DCP2: variants seen among roughly 807,000 people sequenced by gnomAD.
DCP2 encodes the protein decapping mRNA 2, also known as m7GpppN-mRNA hydrolase.
DCP2 carries 30 observed loss-of-function variants against 56.1 expected under a neutral mutation model. That is an observed-to-expected ratio of 0.53 (90% CI 0.40 to 0.73). The LOEUF (loss-of-function observed/expected upper bound fraction) is 0.73, where lower values mean the gene tolerates loss of function less well. Among genes scored for constraint, DCP2 ranks in the 30% least tolerant of loss-of-function variants. DCP2 has a pLI of 0.00. For missense variants in DCP2, 533 were observed against 502.7 expected (o/e 1.06, Z -0.58); for synonymous variants, 197 against 163.3 (o/e 1.21, Z -1.57).
At chr5:112,981,357 C>T (rs1747995436) in intron 1 of DCP2, among the ~76,000 whole-genome samples, 1 of 152,038 alleles carries the variant, frequency 6.6e-6, no homozygotes, top group Admixed American at 6.5e-5. Flanking sequence ...TACGAACTTA[C>T]AGTATTTCTT....
intron 4 of DCP2, among the ~76,000 whole-genome samples, chr5:112,999,383 A>G (rs1268706712): frequency 6.6e-6 from 1 of 151,858 alleles, no homozygotes; most frequent in East Asian, 1.9e-4. Flanking sequence ...GCTGGAGTGT[A>G]ATAGCATGAT....
intron 1 of DCP2, 121 bp downstream of exon 1, chr5:112,977,107 T>C: frequency 1.4e-6 from 1 of 711,956 alleles, no homozygotes; most frequent in Non-Finnish European, 2.2e-6. Context: ...CTCCCGCCGC[T>C]GCTCGCTTTC....
intron 9 of DCP2, among the ~76,000 whole-genome samples, chr5:113,008,962 G>C (rs1195296100): frequency 3.3e-5 from 5 of 151,830 alleles, no homozygotes; most frequent in Non-Finnish European, 7.4e-5. Flanking sequence ...CCCTGTCTCA[G>C]CCTCCTGAGT....
At position 112,985,822 on chromosome 5, in the gene DCP2, T is replaced by C. The variant is rs779569356; in HGVS notation, c.54-13T>C. 3.8e-6 allele frequency: 6 copies of C among 1,592,018 alleles called. No homozygotes were observed. The highest frequency in any genetic ancestry group is 4.3e-6 in the Non-Finnish European group (5 of 1,161,386). On this transcript the variant is annotated splice_polypyrimidine_tract_variant and intron_variant, in intron 1 of 10. Coordinates refer to ENST00000389063, the MANE Select transcript of DCP2 (RefSeq NM_152624.6). The stretch of plus-strand genomic sequence containing the variant: ...TGTAAATGTAATTTTTGTATGTGTT[T>C]TGTTTTTGACAGCCGATTTATTTTG...
In DCP2 at chr5:113,022,012, G is replaced by GT. The variant is rs996386850; in HGVS notation, c.*8529dup. ...CTTTGACTAGGGCTCTTGATTTCAT[G>GT]TAAGCATCATGGATTTGATATTTGC... On this transcript the variant is annotated 3_prime_UTR_variant, in exon 11 of 11. Coordinates refer to ENST00000389063, the MANE Select transcript of DCP2 (RefSeq NM_152624.6). 6.6e-6 allele frequency: 1 copy of GT among 152,160 alleles called. No homozygotes were observed. The highest frequency in any genetic ancestry group is 2.4e-5 in the African/African-American group (1 of 41,434). 9.4% of individuals were successfully genotyped at this position (152,160 alleles called of 1,614,324 possible).
rs1747735118 is a variant in DCP2 at position 112,976,967 on chromosome 5, G to A, written c.34G>A (p.Val12Ile). The A allele has an allele frequency of 5.0e-6, 8 of 1,595,104 alleles. No homozygotes were observed. Among genetic ancestry groups the A allele is most frequent in the Non-Finnish European group, 6.0e-6 (7 of 1,165,634 alleles). ...CAAACGGGTGGAGATTCCCGGCAGC[G>A]TCCTGGACGATCTCTGCAGGTACCG... ...ETKRVEIPGS[V>I]LDDLCSRFIL... The change falls in exon 1 of 11, where the codon GTC becomes ATC. Residue 12 changes from valine to isoleucine, a missense_variant. Physicochemically the swap from Val to Ile is conservative, Grantham distance 29. Around this residue, in one of 3 missense-constraint regions of DCP2, gnomAD observed 137 missense variants for 138.2 expected, o/e 0.99. Transcript: ENST00000389063.
Position 112,984,703 on chromosome 5 carries a change from A to AAATATATATAT in DCP2, c.54-1131_54-1130insATATATATATA. The stretch of plus-strand genomic sequence containing the variant: ...TTCTTAATTAAAAAAAAAAAAAAAA[A>AAATATATATAT]ATATATATATATATATATATATTTG... On this transcript the variant is annotated intron_variant, in intron 1 of 10. Transcript: ENST00000389063. The AAATATATATAT allele has an allele frequency of 1.5e-4, 10 of 64,858 alleles. 1 individual carries two copies. The highest frequency in any genetic ancestry group is 1.0e-3 in the South Asian group (2 of 1,920). 4.0% of individuals were successfully genotyped at this position (64,858 alleles called of 1,614,324 possible).
chr5:113,006,759 G>C (rs1372815090), intron 8 of DCP2, among the ~76,000 whole-genome samples: 1 of 152,024 alleles, frequency 6.6e-6, no homozygotes, highest in Non-Finnish European at 1.5e-5. Flanking sequence ...TTTTTGGTAG[G>C]AAAATTATCT....
chr5:112,991,343 G>C (rs564593090), intron 2 of DCP2, among the ~76,000 whole-genome samples: 1 of 152,050 alleles, frequency 6.6e-6, no homozygotes, highest in Admixed American at 6.5e-5. Context: ...ATAGTGATGG[G>C]GCATTCGATA....
chr5:112,987,851 G>C (rs1289230231), intron 2 of DCP2, among the ~76,000 whole-genome samples: 1 of 151,478 alleles, frequency 6.6e-6, no homozygotes, highest in Non-Finnish European at 1.5e-5. Context: ...AGTCTGGCTT[G>C]AATTTCTGGG....
rs914905419 is a variant in DCP2, at chr5:112,992,971, AT to A, written c.432+209del. ...TTTTCATTTATTCTTATCTGTTCCC[AT>A]TTTTTTTAATGGTCCATTTTGTATT... On this transcript the variant is annotated intron_variant, in intron 4 of 10. Coordinates refer to ENST00000389063, the MANE Select transcript of DCP2 (RefSeq NM_152624.6). 1.8e-4 allele frequency among the ~76,000 whole-genome samples: 26 copies of A among 144,658 alleles called. No individual in the cohort carries two copies. The South Asian group carries it at 4.4e-3, about 24-fold the overall frequency. 94.9% of individuals were successfully genotyped at this position (144,658 alleles called of 152,430 possible). A position where few individuals can be genotyped will look rare whatever the true frequency, so the allele number is the denominator to read the frequency against.
At chr5:113,000,032 G>A (rs930521406) in intron 4 of DCP2, among the ~76,000 whole-genome samples, 2 of 128,808 alleles carry the variant, frequency 1.6e-5, no homozygotes, top group Non-Finnish European at 3.1e-5. Context: ...TTGCACTCCA[G>A]CCCGGGCAAC....
intron 4 of DCP2, among the ~76,000 whole-genome samples, chr5:113,000,747 T>A (rs1749138641): frequency 6.6e-6 from 1 of 152,150 alleles, no homozygotes. Flanking sequence ...AATGTTAAGA[T>A]TTGGAGAGTG....
In DCP2 at chr5:113,021,375, CAA is replaced by C. The variant is rs1435186359; in HGVS notation, c.*7896_*7897del. Among the ~76,000 whole-genome samples the C allele has an allele frequency of 3.2e-5, 2 of 63,284 alleles. No homozygotes were observed. The highest frequency in any genetic ancestry group is 6.4e-5 in the Non-Finnish European group (2 of 31,328). The allele number at this position is 63,284 out of a possible 152,430, so 41.5% of individuals were successfully genotyped here. A position where few individuals can be genotyped will look rare whatever the true frequency, so the allele number is the denominator to read the frequency against. On this transcript the variant is annotated 3_prime_UTR_variant, in exon 11 of 11. Transcript: ENST00000389063. ...AGAGCAAGACTCTGTCTGGAAAAAA[CAA>C]AAAACAACCAAAAAAAAAAAAAAAA...
Position 112,992,724 on chromosome 5 carries a change from GA to G in DCP2, c.390del (p.Val131Ter). 6.3e-7 allele frequency: 1 copy of G among 1,591,124 alleles called. No homozygotes were observed. Among genetic ancestry groups the G allele is most frequent in the Admixed American group, 1.9e-5 (1 of 52,790 alleles). ...LAKSGWGFPK[G>X]KVNKEEAPHD... ...AAATCAGGCTGGGGATTTCCAAAAG[GA>G]AAAGTAAATAAAGAAGAAGCTCCTC... On this transcript the variant is annotated frameshift_variant, in exon 4 of 11. Coordinates refer to ENST00000389063, the MANE Select transcript of DCP2 (RefSeq NM_152624.6). LOFTEE classifies it high-confidence loss of function.
rs1008222621 is a variant in DCP2 at position 113,015,912 on chromosome 5, A to G, written c.*2428A>G. On this transcript the variant is annotated 3_prime_UTR_variant, in exon 11 of 11. Transcript: ENST00000389063. ...TGATAAAGGAGTATGCTGAATATGC[A>G]ATCATTTACTTCTACTGAGTGCTGC... The G allele has an allele frequency of 1.3e-5, 2 of 152,664 alleles. No individual in the cohort carries two copies. The highest frequency in any genetic ancestry group is 4.8e-5 in the African/African-American group (2 of 41,472). The allele number at this position is 152,664 out of a possible 1,614,324, so 9.5% of individuals were successfully genotyped here.
intron 4 of DCP2, among the ~76,000 whole-genome samples, chr5:112,997,376 T>C (rs2150180575): frequency 2.0e-5 from 3 of 152,362 alleles, no homozygotes; most frequent in Middle Eastern, 6.8e-3. Flanking sequence ...ACTTAGCTGT[T>C]CACTTGTGGT....
intron 4 of DCP2, among the ~76,000 whole-genome samples, chr5:112,994,766 C>T (rs2150178494): frequency 6.6e-6 from 1 of 152,242 alleles, no homozygotes; most frequent in African/African-American, 2.4e-5. Context: ...TTTTGTTACC[C>T]AGTACCCTAG....
chr5:113,001,204 A>G lies in DCP2; in HGVS notation c.553A>G (p.Lys185Glu), dbSNP rs1304698517. 7 of 1,613,486 alleles carry G rather than the reference A, an allele frequency of 4.3e-6. No homozygotes were observed. The change falls in exon 5 of 11, where the codon AAA (lysine) becomes GAA (glutamate). Residue 185 changes from lysine to glutamate, a missense_variant. By Grantham distance (56) the Lys-to-Glu change is moderately conservative. Transcript: ENST00000389063. ...CATTCCAGGAATTCCAAAAGACACAAAATTTAACCCAAAAACTAGAAGAGA... is the reference window on the plus strand; with the variant it reads ...CATTCCAGGAATTCCAAAAGACACAGAATTTAACCCAAAAACTAGAAGAGA... ...YIIPGIPKDTKFNPKTRREIR... is the reference protein window; with the variant it reads ...YIIPGIPKDTEFNPKTRREIR...
Sources: allele counts gnomAD v4.1 joint callset (sites outside exome capture counted in the v4.1 genomes callset), GRCh38; gene constraint gnomAD v4.1.1; regional missense constraint gnomAD v4.1.1; transcripts MANE v1.5; gene names NCBI Gene and HGNC (gene_info 2026-07-23, HGNC 2026-07-21).